SPMIP4: variants seen among roughly 807,000 people sequenced by gnomAD.
SPMIP4 encodes the protein sperm microtubule inner protein 4, also known as sperm-associated microtubule inner protein 4.
the SPMIP4 span, among the ~76,000 whole-genome samples, chr7:25,127,981 T>C: frequency 1.3e-5 from 2 of 152,204 alleles, no homozygotes; most frequent in African/African-American, 2.4e-5. Flanking sequence ...ACATTTGTGG[T>C]CTTGGGTAAG....
the SPMIP4 span, among the ~76,000 whole-genome samples, chr7:25,176,658 C>T: frequency 6.6e-6 from 1 of 152,178 alleles, no homozygotes; most frequent in Non-Finnish European, 1.5e-5. This position sits in a 1 kb window ranked among gnomAD's most constrained non-coding sequence, Gnocchi z 4.4. Flanking sequence ...GATGTTAACA[C>T]AGTGGTTATT....
At chr7:25,142,720 AT>A in the SPMIP4 span, 2 of 1,611,450 alleles carry the variant, frequency 1.2e-6, no homozygotes, top group Admixed American at 3.4e-5. Flanking sequence ...GGCAGAGCAA[AT>A]AGGGTCCCAT....
the SPMIP4 span, among the ~76,000 whole-genome samples, chr7:25,132,266 T>G: frequency 1.3e-5 from 2 of 152,192 alleles, no homozygotes; most frequent in African/African-American, 4.8e-5. This position sits in a 1 kb window ranked among gnomAD's most constrained non-coding sequence, Gnocchi z 5.0. Context: ...TGAGCTAAGT[T>G]GCAAGCCCCA....
the SPMIP4 span, among the ~76,000 whole-genome samples, chr7:25,126,765 A>T: frequency 7.6e-4 from 115 of 152,296 alleles, no homozygotes; most frequent in Non-Finnish European, 1.4e-3. Flanking sequence ...CTGTGTACTT[A>T]CTATTAGTAG....
chr7:25,149,315 G>A, the SPMIP4 span, among the ~76,000 whole-genome samples: 1 of 151,878 alleles, frequency 6.6e-6, no homozygotes, highest in Non-Finnish European at 1.5e-5. Context: ...AATGACAAAA[G>A]GCAGGAAAAA....
chr7:25,138,155 A>G, the SPMIP4 span, among the ~76,000 whole-genome samples: 1 of 152,084 alleles, frequency 6.6e-6, no homozygotes, highest in African/African-American at 2.4e-5. The surrounding 1 kb of genome is among the most constrained non-coding windows in gnomAD (Gnocchi z 6.2). Flanking sequence ...AAAATTCATT[A>G]TAACTGTGAT....
the SPMIP4 span, chr7:25,125,772 CCTA>C: frequency 1.0e-5 from 3 of 297,960 alleles, no homozygotes; most frequent in Middle Eastern, 1.7e-3. Context: ...CAGACTCTGT[CCTA>C]CTACCACGGC....
the SPMIP4 span, among the ~76,000 whole-genome samples, chr7:25,141,269 A>G: frequency 6.6e-6 from 1 of 152,176 alleles, no homozygotes. Flanking sequence ...ATGGTAATGT[A>G]CAAGATATAT....
chr7:25,146,943 AC>A, the SPMIP4 span, among the ~76,000 whole-genome samples: 1 of 152,332 alleles, frequency 6.6e-6, no homozygotes, highest in East Asian at 1.9e-4. Context: ...GAGAAACAGG[AC>A]AAAAGCCTTC....
chr7:25,155,337 TC>T, the SPMIP4 span: 1 of 553,734 alleles, frequency 1.8e-6, no homozygotes, highest in Non-Finnish European at 3.0e-6. Flanking sequence ...TGAGTCAATG[TC>T]CCTGTGCTCA....
the SPMIP4 span, chr7:25,179,630 A>T: frequency 4.6e-6 from 1 of 219,182 alleles, no homozygotes; most frequent in Non-Finnish European, 8.9e-6. Context: ...TTCCTGCCTT[A>T]AATTTAACTA....
At chr7:25,166,739 A>G in the SPMIP4 span, among the ~76,000 whole-genome samples, 4 of 151,842 alleles carry the variant, frequency 2.6e-5, no homozygotes, top group Non-Finnish European at 5.9e-5. Flanking sequence ...TACTAAAAAT[A>G]CAAAATTAGC....
chr7:25,160,289 G>A, the SPMIP4 span, among the ~76,000 whole-genome samples: 2 of 68,656 alleles, frequency 2.9e-5, no homozygotes, highest in African/African-American at 6.0e-5. Flanking sequence ...ATGCTGTCGT[G>A]TTTAATATTT....
chr7:25,137,309 T>TA, the SPMIP4 span, among the ~76,000 whole-genome samples: 6 of 137,888 alleles, frequency 4.4e-5, no homozygotes, highest in East Asian at 4.2e-4. Context: ...TTCTTTTTTT[T>TA]TTTTTTTTTT....
the SPMIP4 span, among the ~76,000 whole-genome samples, chr7:25,131,070 G>A: frequency 1.3e-3 from 204 of 152,302 alleles, no homozygotes; most frequent in African/African-American, 4.7e-3. The surrounding 1 kb of genome is among the most constrained non-coding windows in gnomAD (Gnocchi z 4.2). Context: ...TCCCCTTCAC[G>A]CACATTACTG....
the SPMIP4 span, among the ~76,000 whole-genome samples, chr7:25,139,836 C>T: frequency 1.3e-5 from 2 of 152,302 alleles, no homozygotes; most frequent in East Asian, 1.9e-4. Flanking sequence ...ATTTCATACA[C>T]ATTTTTATTA....
chr7:25,168,291 T>A, the SPMIP4 span: 1 of 1,598,570 alleles, frequency 6.3e-7, no homozygotes, highest in Admixed American at 1.8e-5. Flanking sequence ...TTATTTACCT[T>A]GGCCAGGTTT....
At chr7:25,160,424 T>C in the SPMIP4 span, among the ~76,000 whole-genome samples, 78 of 152,128 alleles carry the variant, frequency 5.1e-4, no homozygotes, top group Non-Finnish European at 9.4e-4. Context: ...TCAGCCTCCC[T>C]AGTAGCTGGG....
chr7:25,151,435 C>G, the SPMIP4 span, among the ~76,000 whole-genome samples: 4 of 152,124 alleles, frequency 2.6e-5, no homozygotes, highest in African/African-American at 9.7e-5. Context: ...GTTGGTCAGG[C>G]TGGTCTCAAA....
Sources: allele counts gnomAD v4.1 joint callset (sites outside exome capture counted in the v4.1 genomes callset), GRCh38; gene constraint gnomAD v4.1.1; non-coding constraint Gnocchi (gnomAD v3.1); transcripts MANE v1.5; gene names NCBI Gene and HGNC (gene_info 2026-07-23, HGNC 2026-07-21).